The following COL21A1 variants were observed in gnomAD, a reference collection of about 807,000 sequenced individuals.
COL21A1 encodes the protein collagen alpha-1(XXI) chain.
A neutral mutation model predicts 137.9 loss-of-function variants in COL21A1; 149 were observed. The ratio of observed to expected loss-of-function variants is 1.08; its 90% CI spans 0.95 to 1.24. The LOEUF (loss-of-function observed/expected upper bound fraction) is 1.24, where lower values mean the gene tolerates loss of function less well. Ranked by LOEUF, COL21A1 falls within the 50% of genes most tolerant of loss-of-function variation. The probability of loss-of-function intolerance (pLI) is 0.00; values close to 1 mark genes in which losing one functional copy is unlikely to be tolerated. For synonymous variants in COL21A1, 456 were observed against 391.5 expected, an observed-to-expected ratio of 1.16 and a Z score of -1.95; for missense variants, 1,167 against 1,158.4, an observed-to-expected ratio of 1.01 and a Z score of -0.11.
chr6:56,389,867 C>T (rs920502294), intron 1 of COL21A1, among the ~76,000 whole-genome samples: 2 of 152,026 alleles, frequency 1.3e-5, no homozygotes, highest in African/African-American at 2.4e-5. Flanking sequence ...AATAGACTTC[C>T]CCAGACAAAC....
At chr6:56,363,239 T>C (rs542010736) in intron 1 of COL21A1, among the ~76,000 whole-genome samples, 1 of 152,368 alleles carries the variant, frequency 6.6e-6, no homozygotes, top group Non-Finnish European at 1.5e-5. Context: ...TTCTCCTAAG[T>C]GTCTCAGACA....
chr6:56,325,635 TAA>T (rs1252480120), intron 1 of COL21A1, among the ~76,000 whole-genome samples: 2,006 of 2,788 alleles, frequency 0.72, 973 homozygotes, highest in Middle Eastern at 1. Context: ...CTATTATATA[TAA>T]TATATAATAT....
chr6:56,126,149 C>T lies in COL21A1; in HGVS notation c.1543G>A (p.Gly515Ser). 6.5e-7 allele frequency: 1 copy of T among 1,543,264 alleles called. No individual in the cohort carries two copies. Among genetic ancestry groups the T allele is most frequent in the Non-Finnish European group, 8.8e-7 (1 of 1,140,682 alleles). ...KGEPGRDGDK[G>S]DRGLPGFPGL... is the part of the protein sequence containing the mutation. The stretch of plus-strand genomic sequence containing the variant: ...GGAAAACCAGGAAGTCCACGATCAC[C>T]CTGAAAATAAAACTGAAATTAATTA... The change falls in exon 13 of 30, where the codon GGT (glycine) becomes AGT (serine). Residue 515 changes from glycine to serine, a missense_variant and splice_region_variant. By Grantham distance (56) the Gly-to-Ser change is moderately conservative (BLOSUM62 0). Transcript: ENST00000244728.
Position 56,359,503 on chromosome 6 carries a change from G to A in COL21A1, c.-39+34468C>T, listed in dbSNP as rs73450955. Among the ~76,000 whole-genome samples, 1,070 of 152,144 alleles carry A rather than the reference G, an allele frequency of 7.0e-3. 10 individuals carry two copies. Among genetic ancestry groups the A allele is most frequent in the African/African-American group, 0.024 (1,004 of 41,484 alleles). ...AAGTAGGTGGGGGTTGGTTGGTTTG[G>A]GTTTTTTTCTGTTTATGTCCTGTAA... On this transcript the variant is annotated intron_variant, in intron 1 of 28. Coordinates refer to the COL21A1 transcript ENST00000370819.
At chr6:56,111,823 A>G (rs1193416132) in intron 16 of COL21A1, among the ~76,000 whole-genome samples, 1 of 152,098 alleles carries the variant, frequency 6.6e-6, no homozygotes, top group African/African-American at 2.4e-5. Context: ...GCAGTAAGCC[A>G]AGATCGTGCC....
At chr6:56,071,242 T>C (rs1042617359) in intron 20 of COL21A1, among the ~76,000 whole-genome samples, 1 of 151,680 alleles carries the variant, frequency 6.6e-6, no homozygotes, top group Admixed American at 6.6e-5. Context: ...ATGGCTTTTT[T>C]TGAAGAAGTG....
At chr6:56,367,754 A>G (rs1766134198) in intron 1 of COL21A1, among the ~76,000 whole-genome samples, 1 of 152,128 alleles carries the variant, frequency 6.6e-6, no homozygotes, top group Non-Finnish European at 1.5e-5. Context: ...TTTCTTTGTC[A>G]CCCAGGCTGG....
At chr6:56,321,904 A>C (rs1764877967) in intron 1 of COL21A1, among the ~76,000 whole-genome samples, 1 of 152,186 alleles carries the variant, frequency 6.6e-6, no homozygotes, top group Non-Finnish European at 1.5e-5. Flanking sequence ...TGGGTGTCTC[A>C]TGAGCTGAGC....
At chr6:56,101,759 A>C (rs567441211) in intron 16 of COL21A1, among the ~76,000 whole-genome samples, 8 of 150,058 alleles carry the variant, frequency 5.3e-5, no homozygotes, top group African/African-American at 2.0e-4. Context: ...TTAAGTTATT[A>C]AATAACTGTG....
chr6:56,075,559 T>C, intron 18 of COL21A1, 27 bp from the exon 19 acceptor site: 1 of 1,444,330 alleles, frequency 6.9e-7, no homozygotes, highest in South Asian at 1.3e-5. Context: ...TTAAAAACAT[T>C]ATAAATTGTA....
intron 17 of COL21A1, among the ~76,000 whole-genome samples, chr6:56,087,626 G>A (rs1768388786): frequency 6.6e-6 from 1 of 152,152 alleles, no homozygotes; most frequent in Admixed American, 6.6e-5. Context: ...GGTGTTTATA[G>A]TTTCCCTTCA....
intron 1 of COL21A1, among the ~76,000 whole-genome samples, chr6:56,328,040 T>C (rs1765135286): frequency 6.6e-6 from 1 of 152,046 alleles, no homozygotes; most frequent in Non-Finnish European, 1.5e-5. Flanking sequence ...AGGCTGCCCA[T>C]CATACATTTG....
At chr6:56,139,344 C>G (rs1774234256) in intron 12 of COL21A1, among the ~76,000 whole-genome samples, 1 of 152,074 alleles carries the variant, frequency 6.6e-6, no homozygotes, top group South Asian at 2.1e-4. Context: ...CTTCCACTTT[C>G]CAGATGATAA....
chr6:56,169,465 G>T (rs1023553583), intron 5 of COL21A1, among the ~76,000 whole-genome samples: 2 of 151,900 alleles, frequency 1.3e-5, no homozygotes, highest in Non-Finnish European at 2.9e-5. Context: ...ACTGAATAAA[G>T]TCCAAACCAC....
At chr6:56,098,877 T>G (rs74385004) in intron 17 of COL21A1, among the ~76,000 whole-genome samples, 2 of 147,714 alleles carry the variant, frequency 1.4e-5, no homozygotes, top group African/African-American at 5.0e-5. Context: ...CACCACGCCC[T>G]GCTAATTTTT....
intron 1 of COL21A1, among the ~76,000 whole-genome samples, chr6:56,385,909 T>TC (rs993993985): frequency 1.3e-5 from 2 of 152,124 alleles, no homozygotes; most frequent in African/African-American, 4.8e-5. Flanking sequence ...TTCCTTTTTT[T>TC]TTTTTTTGAA....
chr6:56,390,000 CTG>C (rs2094025986), intron 1 of COL21A1, among the ~76,000 whole-genome samples: 1 of 152,142 alleles, frequency 6.6e-6, no homozygotes, highest in Non-Finnish European at 1.5e-5. Flanking sequence ...ATAAAACGCA[CTG>C]GTAATAGTAA....
In COL21A1 at chr6:56,126,095, C is replaced by T. The variant is rs1452526623; in HGVS notation, c.1596+1G>A. ...ATTTAAAAGAAACAGATTTCTTCAA[C>T]CTTTGATCCTGGCATGCCATGAAGC... On this transcript the variant is annotated splice_donor_variant, in intron 13 of 29. Coordinates refer to ENST00000244728, the MANE Select transcript of COL21A1 (RefSeq NM_030820.4). LOFTEE classifies it high-confidence loss of function. 6.5e-7 allele frequency: 1 copy of T among 1,541,244 alleles called. No homozygotes were observed. The highest frequency in any genetic ancestry group is 2.5e-5 in the East Asian group (1 of 40,664).
At chr6:56,216,886 ATT>A (rs1780518828) in intron 1 of COL21A1, among the ~76,000 whole-genome samples, 1 of 152,070 alleles carries the variant, frequency 6.6e-6, no homozygotes, top group Non-Finnish European at 1.5e-5. Context: ...TTACAGAATA[ATT>A]TCTTTCTGAA....
Sources: gnomAD v4.1 joint callset for allele counts (sites outside exome capture counted in the v4.1 genomes callset) on GRCh38, gnomAD v4.1.1 for gene constraint, MANE v1.5 for transcripts, NCBI Gene and HGNC (gene_info 2026-07-23, HGNC 2026-07-21) for gene names.